NCMAP: variants seen among roughly 807,000 people sequenced by gnomAD.
The protein encoded by NCMAP is noncompact myelin-associated protein.
A neutral mutation model predicts 7.8 loss-of-function variants in NCMAP; 8 were observed. The observed-to-expected ratio is 1.02, with a 90% CI of 0.60 to 1.84. NCMAP has a LOEUF of 1.84. NCMAP is among the 40% of genes most tolerant of loss of function. The probability of loss-of-function intolerance (pLI) is 0.00; values close to 1 mark genes in which losing one functional copy is unlikely to be tolerated. For synonymous variants in NCMAP, 41 were observed against 52.9 expected (o/e 0.78, Z 0.98); for missense variants, 112 against 131.4 (o/e 0.85, Z 0.72).
At chr1:24,565,186 A>G (rs183072077) in intron 1 of NCMAP, among the ~76,000 whole-genome samples, 5 of 151,824 alleles carry the variant, frequency 3.3e-5, no homozygotes, top group African/African-American at 9.7e-5. Context: ...GAGGCTCCCA[A>G]AATACTGCAA....
At chr1:24,563,872 AAC>A (rs1301618669) in intron 1 of NCMAP, 1 of 152,256 alleles carries the variant, frequency 6.6e-6, no homozygotes, top group African/African-American at 2.4e-5. Context: ...CTTAACCCTG[AAC>A]AAAGACTGAG....
At chr1:24,577,425 T>TG (rs1294515628) in intron 1 of NCMAP, among the ~76,000 whole-genome samples, 1 of 145,368 alleles carries the variant, frequency 6.9e-6, no homozygotes, top group Non-Finnish European at 1.5e-5. Context: ...TTTTTTTTTT[T>TG]TTTTTTGGTT....
intron 1 of NCMAP, among the ~76,000 whole-genome samples, chr1:24,580,066 G>A (rs997443958): frequency 3.3e-5 from 5 of 152,114 alleles, no homozygotes; most frequent in Non-Finnish European, 7.3e-5. Flanking sequence ...CCAACAAAGC[G>A]CCAGAGCTGC....
intron 3 of NCMAP, among the ~76,000 whole-genome samples, chr1:24,602,983 T>C (rs1040877392): frequency 6.6e-6 from 1 of 152,058 alleles, no homozygotes; most frequent in Non-Finnish European, 1.5e-5. Flanking sequence ...GAGGTTGCAG[T>C]GAGCTGAGAT....
chr1:24,585,670 GTCTTCCGAGTC>G (rs1279090032), intron 1 of NCMAP, among the ~76,000 whole-genome samples: 1 of 152,222 alleles, frequency 6.6e-6, no homozygotes, highest in African/African-American at 2.4e-5. Flanking sequence ...GGAAATCCTG[GTCTTCCGAGTC>G]TCAGGTTATG....
At chr1:24,556,599 G>A (rs193039300) in intron 1 of NCMAP, among the ~76,000 whole-genome samples, 1 of 152,296 alleles carries the variant, frequency 6.6e-6, no homozygotes, top group Non-Finnish European at 1.5e-5. Flanking sequence ...AGGCCCCTCC[G>A]GAAGATCTGC....
intron 3 of NCMAP, 67 bp from the exon 4 acceptor site, chr1:24,605,539 C>A: frequency 6.4e-7 from 1 of 1,562,866 alleles, no homozygotes; most frequent in Non-Finnish European, 8.8e-7. Flanking sequence ...GAACTGTAGT[C>A]GCAGAGCCCA....
chr1:24,602,732 T>C (rs1652551592), intron 3 of NCMAP, among the ~76,000 whole-genome samples: 1 of 146,348 alleles, frequency 6.8e-6, no homozygotes, highest in Non-Finnish European at 1.5e-5. Flanking sequence ...CAAGACCCTG[T>C]CTCTGGAAAA....
chr1:24,556,825 G>C (rs1028911836), intron 1 of NCMAP, among the ~76,000 whole-genome samples: 1 of 152,096 alleles, frequency 6.6e-6, no homozygotes, highest in Admixed American at 6.6e-5. Context: ...CTTGAGTCTG[G>C]GAGAAGATTC....
chr1:24,577,401 G>GTTTTTTTTTGTT lies in NCMAP; in HGVS notation c.-7-18014_-7-18013insGTTTTTTTTTTT, dbSNP rs1651605073. Among the ~76,000 whole-genome samples, 11 of 39,964 alleles carry GTTTTTTTTTGTT rather than the reference G, an allele frequency of 2.8e-4. 1 individual carries two copies. Among genetic ancestry groups the GTTTTTTTTTGTT allele is most frequent in the African/African-American group, 8.5e-4 (8 of 9,426 alleles). The allele number at this position is 39,964 out of a possible 152,430, so 26.2% of individuals were successfully genotyped here. On this transcript the variant is annotated intron_variant, in intron 1 of 3. Coordinates refer to ENST00000374392, the MANE Select transcript of NCMAP (RefSeq NM_001010980.5). Reference sequence around the variant, plus strand: ...GAGTTTCTAAGAAGGCACTGGCCTTGTTTTTTTTTTTTTTTTTTTTTTTTT... The same window carrying GTTTTTTTTTGTT: ...GAGTTTCTAAGAAGGCACTGGCCTTGTTTTTTTTTGTTTTTTTTTTTTTTTTTTTTTTTTTTT...
At chr1:24,572,198 A>T (rs1344502384) in intron 1 of NCMAP, among the ~76,000 whole-genome samples, 2 of 150,532 alleles carry the variant, frequency 1.3e-5, no homozygotes, top group Non-Finnish European at 2.9e-5. Flanking sequence ...CAGTTGATGG[A>T]TTTTAAGGGG....
intron 1 of NCMAP, among the ~76,000 whole-genome samples, chr1:24,572,166 A>AAACC (rs10635097): frequency 0.12 from 18,526 of 150,108 alleles, 2,025 homozygotes; most frequent in African/African-American, 0.23. Flanking sequence ...GTATTTCTAG[A>AAACC]AAGTTCTCTG....
chr1:24,571,381 A>G (rs1651385337), intron 1 of NCMAP, among the ~76,000 whole-genome samples: 1 of 148,406 alleles, frequency 6.7e-6, no homozygotes, highest in Non-Finnish European at 1.5e-5. Context: ...AGGTTGAGGC[A>G]GGAGAATCAC....
At chr1:24,585,059 G>A (rs750578879) in intron 1 of NCMAP, among the ~76,000 whole-genome samples, 1 of 152,122 alleles carries the variant, frequency 6.6e-6, no homozygotes, top group Non-Finnish European at 1.5e-5. Flanking sequence ...CCTTATTTCT[G>A]GGAACCAACT....
chr1:24,557,201 A>G (rs1160315030), intron 1 of NCMAP, among the ~76,000 whole-genome samples: 1 of 152,160 alleles, frequency 6.6e-6, no homozygotes, highest in East Asian at 1.9e-4. Flanking sequence ...CTCAATACAT[A>G]TTTGTCCAAT....
At chr1:24,593,051 C>T (rs1652096860) in intron 1 of NCMAP, among the ~76,000 whole-genome samples, 1 of 150,056 alleles carries the variant, frequency 6.7e-6, no homozygotes, top group Non-Finnish European at 1.5e-5. Flanking sequence ...GGTCGTGGGC[C>T]CTTGTAATCC....
intron 1 of NCMAP, among the ~76,000 whole-genome samples, chr1:24,581,815 A>G (rs779862038): frequency 8.5e-5 from 13 of 152,224 alleles, no homozygotes; most frequent in Non-Finnish European, 1.3e-4. Flanking sequence ...AGCCCTTGGC[A>G]GGGAGGAACT....
rs72886154 is a variant in NCMAP at position 24,605,570 on chromosome 1, G to A, written c.168-36G>A. The A allele has an allele frequency of 0.01, 16,338 of 1,606,168 alleles. 1,432 individuals are homozygous for A. The African/African-American group carries it at 0.19, about 19-fold the overall frequency. On this transcript the variant is annotated intron_variant, in intron 3 of 3. Transcript: ENST00000374392. ...GCCCATTCCCCGCGGCATACCAGGG[G>A]AAAGACTCAACCATGTGCACATTAT...
At chr1:24,558,746 A>G (rs1650972699) in intron 1 of NCMAP, among the ~76,000 whole-genome samples, 2 of 152,086 alleles carry the variant, frequency 1.3e-5, no homozygotes, top group Admixed American at 1.3e-4. Flanking sequence ...CAGGATCTGG[A>G]CGTGATGTTC....
Sources: allele counts gnomAD v4.1 joint callset (sites outside exome capture counted in the v4.1 genomes callset), GRCh38; gene constraint gnomAD v4.1.1; transcripts MANE v1.5; gene names NCBI Gene and HGNC (gene_info 2026-07-23, HGNC 2026-07-21).